The following NUMB variants were observed in gnomAD, a reference collection of about 807,000 sequenced individuals.
NUMB encodes the protein protein numb homolog.
NUMB carries 29 observed loss-of-function variants against 59.7 expected under a neutral mutation model. The ratio of observed to expected loss-of-function variants is 0.49; its 90% CI spans 0.36 to 0.66. NUMB has a LOEUF of 0.66. Among genes scored for constraint, NUMB ranks in the 30% least tolerant of loss-of-function variants. NUMB has a pLI of 0.00. For missense variants in NUMB, 723 were observed against 822.0 expected (o/e 0.88, Z 1.47); for synonymous variants, 288 against 288.2 (o/e 1.00, Z 0.01).
Position 73,387,732 on chromosome 14 carries a change from C to CAA in NUMB, c.-100-20753_-100-20752dup, listed in dbSNP as rs796888924. ...TGGGCTACAGAGCAATACCCAATCT[C>CAA]AAAAAAAAAAAAACAAAAACAAACA... On this transcript the variant is annotated intron_variant, in intron 2 of 12. Coordinates refer to ENST00000555238, the MANE Select transcript of NUMB (RefSeq NM_001005743.2). Among the ~76,000 whole-genome samples, 37 of 93,736 alleles carry CAA rather than the reference C, an allele frequency of 3.9e-4. 1 individual carries two copies. The East Asian group carries it at 5.2e-3, about 13-fold the overall frequency. The allele number at this position is 93,736 out of a possible 152,430, so 61.5% of individuals were successfully genotyped here.
At chr14:73,358,336 C>A (rs1392063769) in intron 3 of NUMB, among the ~76,000 whole-genome samples, 2 of 152,220 alleles carry the variant, frequency 1.3e-5, no homozygotes, top group African/African-American at 4.8e-5. Flanking sequence ...TCAATTGCTT[C>A]ACACCACCTT....
At chr14:73,344,240 A>G (rs764517525) in intron 4 of NUMB, among the ~76,000 whole-genome samples, 1 of 152,164 alleles carries the variant, frequency 6.6e-6, no homozygotes, top group Non-Finnish European at 1.5e-5. Context: ...CTAATTTGGC[A>G]TAATACTTTG....
chr14:73,288,859 C>CA (rs1156398075), intron 8 of NUMB, among the ~76,000 whole-genome samples: 6 of 150,650 alleles, frequency 4.0e-5, no homozygotes, highest in East Asian at 1.9e-4. Flanking sequence ...AACTCCGTCT[C>CA]AAAAAAAATA....
rs765736029 is a variant in NUMB, at chr14:73,350,070, T to TACAC, written c.126+5555_126+5556insGTGT. Among the ~76,000 whole-genome samples, 34 of 110,290 alleles carry TACAC rather than the reference T, an allele frequency of 3.1e-4. No homozygotes were observed. In the South Asian group the frequency reaches 3.5e-3, roughly 11 times the overall value. The allele number at this position is 110,290 out of a possible 152,430, so 72.4% of individuals were successfully genotyped here. On this transcript the variant is annotated intron_variant, in intron 4 of 12. Coordinates refer to ENST00000555238, the MANE Select transcript of NUMB (RefSeq NM_001005743.2). ...ATACATACATACATATATACATACATACATACATACACACACACACACACA... is the reference window on the plus strand; with the variant it reads ...ATACATACATACATATATACATACATACACACATACATACACACACACACACACA...
intron 3 of NUMB, among the ~76,000 whole-genome samples, chr14:73,356,586 T>C (rs1039727204): frequency 1.3e-5 from 2 of 152,130 alleles, no homozygotes; most frequent in African/African-American, 4.8e-5. Flanking sequence ...GAGGTTGCAG[T>C]GAGCCAAGAT....
At chr14:73,427,602 A>C (rs1897644308) in intron 1 of NUMB, among the ~76,000 whole-genome samples, 1 of 152,124 alleles carries the variant, frequency 6.6e-6, no homozygotes, top group Non-Finnish European at 1.5e-5. Context: ...GTCTAGAGGC[A>C]ATCAAAACTA....
At chr14:73,422,092 C>G (rs1897372632) in intron 1 of NUMB, among the ~76,000 whole-genome samples, 1 of 151,516 alleles carries the variant, frequency 6.6e-6, no homozygotes, top group Non-Finnish European at 1.5e-5. Context: ...TGCAGTGAGC[C>G]AAGATTGCAC....
At chr14:73,367,348 T>TATATATATATATATAGAGAG (rs1555375287) in intron 2 of NUMB, among the ~76,000 whole-genome samples, 4 of 105,300 alleles carry the variant, frequency 3.8e-5, no homozygotes, top group African/African-American at 1.5e-4. Context: ...TATATATATA[T>TATATATATATATATAGAGAG]AGAGAGAGAG....
intron 1 of NUMB, among the ~76,000 whole-genome samples, chr14:73,433,922 C>T (rs1278640294): frequency 1.3e-5 from 2 of 152,006 alleles, no homozygotes; most frequent in African/African-American, 2.4e-5. Flanking sequence ...GGTGAAACCC[C>T]GTCTCTACTA....
chr14:73,382,088 G>A (rs1240854875), intron 2 of NUMB, among the ~76,000 whole-genome samples: 1 of 152,206 alleles, frequency 6.6e-6, no homozygotes, highest in Admixed American at 6.5e-5. Context: ...ATGCTATATT[G>A]CTTTTGCCCT....
chr14:73,346,587 C>T (rs1036640050), intron 4 of NUMB, among the ~76,000 whole-genome samples: 15 of 151,994 alleles, frequency 9.9e-5, no homozygotes, highest in Non-Finnish European at 1.9e-4. Flanking sequence ...TATATAGATA[C>T]TAATATATTT....
intron 10 of NUMB, among the ~76,000 whole-genome samples, chr14:73,283,562 G>A (rs1373998987): frequency 6.6e-6 from 1 of 152,216 alleles, no homozygotes; most frequent in Non-Finnish European, 1.5e-5. Flanking sequence ...ATGAATACTT[G>A]TGAACAAGTC....
At chr14:73,397,369 G>A (rs1431192044) in intron 2 of NUMB, among the ~76,000 whole-genome samples, 1 of 152,152 alleles carries the variant, frequency 6.6e-6, no homozygotes, top group African/African-American at 2.4e-5. Flanking sequence ...ATGCAGTGGT[G>A]TACTGATAAG....
intron 2 of NUMB, among the ~76,000 whole-genome samples, chr14:73,397,352 T>C (rs990777516): frequency 3.3e-5 from 5 of 152,148 alleles, no homozygotes; most frequent in African/African-American, 1.2e-4. Context: ...TGATATGATA[T>C]ATATGCATGC....
chr14:73,318,111 C>A (rs1308111200), intron 5 of NUMB, among the ~76,000 whole-genome samples: 1 of 152,130 alleles, frequency 6.6e-6, no homozygotes, highest in Non-Finnish European at 1.5e-5. Context: ...TTTGGTGACC[C>A]TAGTTTTGTT....
chr14:73,449,517 T>A (rs974753205), intron 1 of NUMB, among the ~76,000 whole-genome samples: 1 of 152,164 alleles, frequency 6.6e-6, no homozygotes, highest in East Asian at 1.9e-4. Flanking sequence ...CAACTGCTGG[T>A]TGAATCCAAG....
In NUMB at chr14:73,398,411, A is replaced by AGTGT. The variant is rs1275011828; in HGVS notation, c.-101+11525_-101+11526insACAC. ...CACACACAGAGAGAGAGAGAGAGAG[A>AGTGT]GAGAGTGTGTGTGTGTGTGTGTGTG... is the stretch of plus-strand genomic sequence containing the variant. On this transcript the variant is annotated intron_variant, in intron 2 of 12. Coordinates refer to ENST00000555238, the MANE Select transcript of NUMB (RefSeq NM_001005743.2). Among the ~76,000 whole-genome samples the AGTGT allele has an allele frequency of 1.1e-4, 11 of 104,124 alleles. No individual in the cohort carries two copies. The East Asian group carries it at 2.3e-3, about 22-fold the overall frequency. The allele number at this position is 104,124 out of a possible 152,430, so 68.3% of individuals were successfully genotyped here. A position where few individuals can be genotyped will look rare whatever the true frequency, so the allele number is the denominator to read the frequency against.
chr14:73,310,457 G>A (rs756152716), intron 6 of NUMB, among the ~76,000 whole-genome samples: 2 of 152,172 alleles, frequency 1.3e-5, no homozygotes, highest in South Asian at 2.1e-4. Flanking sequence ...GCTGTCTAGC[G>A]TCCTCTGCAT....
intron 6 of NUMB, among the ~76,000 whole-genome samples, chr14:73,308,025 G>A (rs28503623): frequency 0.06 from 9,170 of 151,752 alleles, 613 homozygotes; most frequent in African/African-American, 0.16. Flanking sequence ...GAGCCACCGC[G>A]CCCGGCCGGG....
Sources: gnomAD v4.1 joint callset for allele counts (sites outside exome capture counted in the v4.1 genomes callset) on GRCh38, gnomAD v4.1.1 for gene constraint, MANE v1.5 for transcripts, NCBI Gene and HGNC (gene_info 2026-07-23, HGNC 2026-07-21) for gene names.